Variants in ELP4 observed in about 807,000 individuals in gnomAD.
ELP4 encodes the protein elongator complex protein 4.
In ELP4, 51 loss-of-function variants were observed where a neutral mutation model predicts 48.9. The observed-to-expected ratio is 1.04, with a 90% CI of 0.83 to 1.32. The LOEUF (loss-of-function observed/expected upper bound fraction) is 1.32, where lower values mean the gene tolerates loss of function less well. Ranked by LOEUF, ELP4 falls within the 40% of genes most tolerant of loss-of-function variation. ELP4 has a pLI of 0.00. For synonymous variants in ELP4, 210 were observed against 189.2 expected, an observed-to-expected ratio of 1.11 and a Z score of -0.90; for missense variants, 519 against 514.6, an observed-to-expected ratio of 1.01 and a Z score of -0.08.
intron 9 of ELP4, among the ~76,000 whole-genome samples, chr11:31,744,118 A>G (rs1352667302): frequency 6.6e-6 from 1 of 152,250 alleles, no homozygotes; most frequent in Admixed American, 6.5e-5. Context: ...AAACACCTCT[A>G]TGCAAATAAA....
chr11:31,582,807 T>C (rs765757547), intron 3 of ELP4, among the ~76,000 whole-genome samples: 1 of 152,120 alleles, frequency 6.6e-6, no homozygotes, highest in Non-Finnish European at 1.5e-5. Context: ...GAGGAATCCT[T>C]TAGTCTCCCC....
intron 2 of ELP4, among the ~76,000 whole-genome samples, chr11:31,531,667 G>A (rs996836349): frequency 1.3e-5 from 2 of 152,178 alleles, no homozygotes; most frequent in Admixed American, 6.5e-5. Context: ...TGGGAAAGAA[G>A]GCAATACAAC....
chr11:31,765,228 T>A (rs960854485), intron 9 of ELP4, among the ~76,000 whole-genome samples: 6 of 152,226 alleles, frequency 3.9e-5, no homozygotes, highest in African/African-American at 1.4e-4. Flanking sequence ...TTCTAAAATT[T>A]AACTGTTAAA....
rs545727255 is a variant in ELP4, at chr11:31,593,993, C to T, written c.382-777C>T. Among the ~76,000 whole-genome samples, 43 of 152,192 alleles carry T rather than the reference C, an allele frequency of 2.8e-4. 1 individual carries two copies. The South Asian group carries it at 8.3e-3, about 29-fold the overall frequency. Reference sequence around the variant, plus strand: ...TTAGACTAATATATAACATAGCACACGTTATATTTACTAATCCAATGCCCT... The same window carrying T: ...TTAGACTAATATATAACATAGCACATGTTATATTTACTAATCCAATGCCCT... On this transcript the variant is annotated intron_variant, in intron 3 of 9. Coordinates refer to ENST00000640961, the MANE Select transcript of ELP4 (RefSeq NM_019040.5).
intron 6 of ELP4, among the ~76,000 whole-genome samples, chr11:31,627,958 A>G (rs1040517666): frequency 2.6e-5 from 4 of 152,238 alleles, no homozygotes; most frequent in Non-Finnish European, 4.4e-5. Flanking sequence ...CAACTCATGG[A>G]TTTTTAAATA....
intron 9 of ELP4, among the ~76,000 whole-genome samples, chr11:31,688,333 A>T (rs1258683066): frequency 1.3e-5 from 2 of 152,190 alleles, no homozygotes; most frequent in Admixed American, 1.3e-4. Context: ...TGGGAGATAC[A>T]TGCCTGCTTA....
intron 2 of ELP4, among the ~76,000 whole-genome samples, chr11:31,533,241 G>A: frequency 6.6e-6 from 1 of 151,836 alleles, no homozygotes; most frequent in East Asian, 1.9e-4. Flanking sequence ...ATTCCACTCT[G>A]TATGTCCATG....
At chr11:31,524,360 G>A (rs546308820) in intron 2 of ELP4, among the ~76,000 whole-genome samples, 15 of 152,332 alleles carry the variant, frequency 9.8e-5, no homozygotes, top group Admixed American at 3.9e-4. Flanking sequence ...TCAGCTCCTT[G>A]CTGATTGGCA....
At chr11:31,731,022 T>G (rs1362460052) in intron 9 of ELP4, among the ~76,000 whole-genome samples, 1 of 151,880 alleles carries the variant, frequency 6.6e-6, no homozygotes, top group Non-Finnish European at 1.5e-5. Flanking sequence ...CACACAAGTT[T>G]AGAGAAGACA....
chr11:31,668,426 CTCAAG>C (rs1291161252), intron 9 of ELP4, among the ~76,000 whole-genome samples: 29 of 151,818 alleles, frequency 1.9e-4, no homozygotes, highest in Non-Finnish European at 3.5e-4. Flanking sequence ...ATTGGCAACA[CTCAAG>C]TCATTTGTTT....
intron 9 of ELP4, among the ~76,000 whole-genome samples, chr11:31,658,690 C>A (rs1330754571): frequency 2.0e-5 from 3 of 151,784 alleles, no homozygotes; most frequent in Non-Finnish European, 4.4e-5. Flanking sequence ...TATAGCTAAT[C>A]AACCTGTTTT....
intron 3 of ELP4, among the ~76,000 whole-genome samples, chr11:31,578,027 A>T (rs1479896774): frequency 6.6e-6 from 1 of 152,000 alleles, no homozygotes; most frequent in Non-Finnish European, 1.5e-5. Context: ...AGATGATGTG[A>T]TTGTATATTT....
chr11:31,528,823 A>G (rs1428838257), intron 2 of ELP4, among the ~76,000 whole-genome samples: 1 of 152,176 alleles, frequency 6.6e-6, no homozygotes, highest in Non-Finnish European at 1.5e-5. Context: ...CAAGGCATTC[A>G]ACCTAATAGA....
chr11:31,588,870 C>T (rs1025739233), intron 3 of ELP4, among the ~76,000 whole-genome samples: 1 of 152,076 alleles, frequency 6.6e-6, no homozygotes, highest in African/African-American at 2.4e-5. Context: ...GTCATCCCAG[C>T]TGTTCAGGAG....
intron 9 of ELP4, among the ~76,000 whole-genome samples, chr11:31,716,712 T>C (rs1946848467): frequency 6.6e-6 from 1 of 152,210 alleles, no homozygotes; most frequent in African/African-American, 2.4e-5. Flanking sequence ...ATATATCAAG[T>C]ACCTGCAATG....
chr11:31,734,070 A>T (rs1432575091), intron 9 of ELP4, among the ~76,000 whole-genome samples: 1 of 152,226 alleles, frequency 6.6e-6, no homozygotes, highest in African/African-American at 2.4e-5. Context: ...ACATAAGAAC[A>T]TTATTGAATT....
At chr11:31,565,628 A>G (rs7113232) in intron 3 of ELP4, among the ~76,000 whole-genome samples, 47,433 of 136,280 alleles carry the variant, frequency 0.35, 11,491 homozygotes, top group African/African-American at 0.69. Flanking sequence ...TATTAAACAG[A>G]GAATCCTTTC....
chr11:31,659,416 G>A (rs1036879429), intron 9 of ELP4, among the ~76,000 whole-genome samples: 2 of 152,074 alleles, frequency 1.3e-5, no homozygotes, highest in Admixed American at 6.6e-5. Context: ...AAGATGAAGG[G>A]TTTAATGAAA....
intron 3 of ELP4, among the ~76,000 whole-genome samples, chr11:31,564,157 T>C (rs984485686): frequency 6.6e-6 from 1 of 152,136 alleles, no homozygotes; most frequent in Non-Finnish European, 1.5e-5. Flanking sequence ...TACTTCCAAA[T>C]ATAATAATGT....
Sources: gnomAD v4.1 joint callset for allele counts (sites outside exome capture counted in the v4.1 genomes callset) on GRCh38, gnomAD v4.1.1 for gene constraint, MANE v1.5 for transcripts, NCBI Gene and HGNC (gene_info 2026-07-23, HGNC 2026-07-21) for gene names.